Variants in HMG20A observed in about 807,000 individuals in gnomAD.
The protein encoded by HMG20A is high mobility group protein 20A.
A neutral mutation model predicts 43.9 loss-of-function variants in HMG20A; 17 were observed. The ratio of observed to expected loss-of-function variants is 0.39; its 90% confidence interval spans 0.27 to 0.58. HMG20A has a LOEUF of 0.58. Among genes scored for constraint, HMG20A ranks in the 20% least tolerant of loss-of-function variants. The pLI, the probability that HMG20A is intolerant of heterozygous loss-of-function variation, is 0.59. For synonymous variants in HMG20A, 132 were observed against 147.5 expected, an observed-to-expected ratio of 0.89 and a Z score of 0.76; for missense variants, 341 against 438.2, an observed-to-expected ratio of 0.78 and a Z score of 1.98.
chr15:77,490,778 A>G, the HMG20A span, among the ~76,000 whole-genome samples: 1 of 152,298 alleles, frequency 6.6e-6, no homozygotes, highest in South Asian at 2.1e-4. Flanking sequence ...AAAATCAAGG[A>G]TTTGTTTTTG....
At chr15:77,503,718 G>A in the HMG20A span, among the ~76,000 whole-genome samples, 6 of 152,330 alleles carry the variant, frequency 3.9e-5, no homozygotes, top group East Asian at 7.7e-4. Context: ...CCCTCGGATC[G>A]TAATACACCA....
chr15:77,487,460 C>A (rs2072951496), downstream of HMG20A, among the ~76,000 whole-genome samples: 1 of 152,164 alleles, frequency 6.6e-6, no homozygotes, highest in South Asian at 2.1e-4. Flanking sequence ...TTCCGTGATA[C>A]TTTTTTCCCC....
intron 3 of HMG20A, 61 bp from the exon 4 acceptor site, chr15:77,467,034 G>T: frequency 7.3e-7 from 1 of 1,362,772 alleles, no homozygotes; most frequent in Non-Finnish European, 1.0e-6. Flanking sequence ...GTTGTTGTTG[G>T]GTTATTTTGG....
downstream of HMG20A, among the ~76,000 whole-genome samples, chr15:77,489,982 AG>A (rs141745635): frequency 6.9e-3 from 1,058 of 152,296 alleles, 9 homozygotes; most frequent in African/African-American, 0.024. Flanking sequence ...CTGTTTTTAA[AG>A]GGTCACTCTA....
chr15:77,427,691 A>G (rs142568957), intron 1 of HMG20A, among the ~76,000 whole-genome samples: 164 of 152,254 alleles, frequency 1.1e-3, no homozygotes, highest in African/African-American at 3.5e-3. Flanking sequence ...AGAAATCAAA[A>G]TTCTCTAATT....
chr15:77,472,498 T>C (rs1242936503), intron 6 of HMG20A, among the ~76,000 whole-genome samples: 1 of 152,170 alleles, frequency 6.6e-6, no homozygotes, highest in East Asian at 1.9e-4. Context: ...ATGGTCTCGA[T>C]CTCCTGACCT....
At chr15:77,471,142 G>T in intron 5 of HMG20A, 100 bp downstream of exon 5, 21 of 1,226,644 alleles carry the variant, frequency 1.7e-5, no homozygotes, top group Non-Finnish European at 2.3e-5. Context: ...ATGTGTTTCT[G>T]TTTTTTCTCC....
chr15:77,511,765 G>A, the HMG20A span, among the ~76,000 whole-genome samples: 5 of 152,172 alleles, frequency 3.3e-5, no homozygotes, highest in East Asian at 9.6e-4. Context: ...AATAAGCATG[G>A]GTGATGATGT....
chr15:77,505,149 A>G, the HMG20A span, among the ~76,000 whole-genome samples: 1 of 152,106 alleles, frequency 6.6e-6, no homozygotes, highest in Admixed American at 6.5e-5. Context: ...AAGTGGAGTG[A>G]CTGCCCACAA....
intron 1 of HMG20A, among the ~76,000 whole-genome samples, chr15:77,440,734 C>T (rs1220129526): frequency 6.6e-6 from 1 of 152,200 alleles, no homozygotes; most frequent in Non-Finnish European, 1.5e-5. Flanking sequence ...ATATGTCACT[C>T]ACTTTCATTG....
the HMG20A span, among the ~76,000 whole-genome samples, chr15:77,496,198 T>C: frequency 6.6e-6 from 1 of 152,170 alleles, no homozygotes; most frequent in Non-Finnish European, 1.5e-5. Context: ...AACAAGCCAG[T>C]TCATTGTGTT....
At chr15:77,487,459 A>G (rs1373314129), downstream of HMG20A, among the ~76,000 whole-genome samples, 4 of 152,138 alleles carry the variant, frequency 2.6e-5, no homozygotes, top group Non-Finnish European at 5.9e-5. Context: ...CTTCCGTGAT[A>G]CTTTTTTCCC....
chr15:77,499,532 C>A, the HMG20A span, among the ~76,000 whole-genome samples: 632 of 152,206 alleles, frequency 4.2e-3, 6 homozygotes, highest in African/African-American at 0.014. Context: ...AATGCTCCCC[C>A]CCACACACAC....
intron 1 of HMG20A, among the ~76,000 whole-genome samples, chr15:77,456,742 T>C (rs760624816): frequency 2.6e-5 from 4 of 152,162 alleles, no homozygotes; most frequent in Non-Finnish European, 5.9e-5. Flanking sequence ...CTAACAGATA[T>C]TACAGTTTTC....
chr15:77,467,316 TC>T lies in HMG20A; in HGVS notation c.450+11del, dbSNP rs1272676346. ...CTCCTGAGGAAAAACAGGTAATTGT[TC>T]CTATTCCTGACTCTTTGTTTGGTTT... On this transcript the variant is annotated intron_variant, in intron 4 of 9. Transcript: ENST00000336216. 2 of 1,596,206 alleles carry T rather than the reference TC, an allele frequency of 1.3e-6. No individual in the cohort carries two copies. Among genetic ancestry groups the T allele is most frequent in the Non-Finnish European group, 1.7e-6 (2 of 1,163,970 alleles).
chr15:77,501,283 TCTCTGATTTCCACA>T, the HMG20A span, among the ~76,000 whole-genome samples: 1 of 152,296 alleles, frequency 6.6e-6, no homozygotes, highest in Admixed American at 6.5e-5. Context: ...ACCTCCACTC[TCTCTGATTTCCACA>T]CCCACCACCC....
chr15:77,459,489 A>AT (rs1021343204), intron 2 of HMG20A, among the ~76,000 whole-genome samples: 4 of 152,240 alleles, frequency 2.6e-5, no homozygotes, highest in African/African-American at 9.6e-5. Flanking sequence ...GTTTAAAAAA[A>AT]GAAAAAAGTG....
rs1045519396 is a variant in HMG20A at position 77,483,739 on chromosome 15, C to T, written c.*776C>T. The stretch of plus-strand genomic sequence containing the variant: ...TTGCTCCTGCACAGACATGGAGTCC[C>T]AGCCCCAGCAAGGCTCTTCTGTTCC... On this transcript the variant is annotated 3_prime_UTR_variant, in exon 10 of 10. Coordinates refer to ENST00000336216, the MANE Select transcript of HMG20A (RefSeq NM_001304504.2). The T allele has an allele frequency of 6.5e-6, 1 of 152,700 alleles. No homozygotes were observed. Among genetic ancestry groups the T allele is most frequent in the East Asian group, 1.9e-4 (1 of 5,204 alleles). The allele number at this position is 152,700 out of a possible 1,614,324, so 9.5% of individuals were successfully genotyped here. A position where few individuals can be genotyped will look rare whatever the true frequency, so the allele number is the denominator to read the frequency against.
chr15:77,515,935 A>G, the HMG20A span, among the ~76,000 whole-genome samples: 6 of 152,248 alleles, frequency 3.9e-5, no homozygotes, highest in Admixed American at 3.3e-4. Context: ...AGGAGCCTGC[A>G]AGGGTCCCAT....
Sources: gnomAD v4.1 joint callset for allele counts (sites outside exome capture counted in the v4.1 genomes callset) on GRCh38, gnomAD v4.1.1 for gene constraint, MANE v1.5 for transcripts, NCBI Gene and HGNC (gene_info 2026-07-23, HGNC 2026-07-21) for gene names.